SHPRH: variants seen among roughly 807,000 people sequenced by gnomAD.
The protein encoded by SHPRH is SNF2 histone linker PHD RING helicase.
Under a neutral mutation model 202.5 loss-of-function variants are expected in SHPRH, and 106 were observed. That is an observed-to-expected ratio of 0.52 (90% CI 0.45 to 0.62). The LOEUF (loss-of-function observed/expected upper bound fraction) is 0.62. Ranked by LOEUF, SHPRH falls within the 20% of genes least tolerant of loss-of-function variation. The pLI is 0.00. For missense variants in SHPRH, 1,710 were observed against 2,020.0 expected (o/e 0.85, Z 2.94); for synonymous variants, 729 against 686.0 (o/e 1.06, Z -0.98).
At chr6:145,954,666 A>G in intron 2 of SHPRH, 24 bp downstream of exon 2, 1 of 1,538,908 alleles carries the variant, frequency 6.5e-7, no homozygotes, top group Non-Finnish European at 8.7e-7. Context: ...AGCCTCAAAA[A>G]AGACACCACA....
At chr6:145,890,588 A>C (rs888272382) in intron 28 of SHPRH, among the ~76,000 whole-genome samples, 1 of 152,112 alleles carries the variant, frequency 6.6e-6, no homozygotes, top group Admixed American at 6.6e-5. Context: ...CTCCTAGAAC[A>C]GCTGAACTTT....
At chr6:145,936,978 C>CTTTTTTTTT (rs1206387630) in intron 11 of SHPRH, among the ~76,000 whole-genome samples, 1 of 125,662 alleles carries the variant, frequency 8.0e-6, no homozygotes, top group Non-Finnish European at 1.7e-5. Context: ...CATGCTTCAT[C>CTTTTTTTTT]TTTTTTTTTT....
At chr6:145,904,266 AGAT>A (rs1011698439) in intron 25 of SHPRH, 5 of 152,086 alleles carry the variant, frequency 3.3e-5, no homozygotes, top group Non-Finnish European at 5.9e-5. Flanking sequence ...TTTATATTTC[AGAT>A]AATATAAACA....
chr6:145,902,671 A>G (rs1782604112), intron 25 of SHPRH, among the ~76,000 whole-genome samples: 2 of 152,106 alleles, frequency 1.3e-5, no homozygotes, highest in African/African-American at 4.8e-5. Flanking sequence ...AATGGTAAAA[A>G]TCTGAGTATT....
intron 23 of SHPRH, among the ~76,000 whole-genome samples, chr6:145,916,805 T>C (rs891603706): frequency 6.6e-6 from 1 of 152,036 alleles, no homozygotes; most frequent in South Asian, 2.1e-4. Flanking sequence ...TTTTTTGAGA[T>C]GGAATCTCGC....
intron 25 of SHPRH, among the ~76,000 whole-genome samples, chr6:145,902,297 T>C (rs1253342960): frequency 6.6e-6 from 1 of 152,110 alleles, no homozygotes; most frequent in Admixed American, 6.6e-5. Flanking sequence ...AGATCAGAAA[T>C]GTCATGTGGC....
Position 145,864,275 on chromosome 6 carries a change from C to G in SHPRH, c.*48G>C, listed in dbSNP as rs1311521276. On this transcript the variant is annotated 3_prime_UTR_variant, in exon 3 of 3. Transcript: ENST00000417762. The stretch of plus-strand genomic sequence containing the variant: ...TTTCTTAATGTTTATTCCTTACAGA[C>G]ATGTATTACTGAATAAGCCCCATAA... 1.1e-5 allele frequency: 3 copies of G among 274,456 alleles called. No individual in the cohort carries two copies. In the East Asian group the frequency reaches 3.0e-4, roughly 28 times the overall value. 17.0% of individuals were successfully genotyped at this position (274,456 alleles called of 1,614,324 possible).
chr6:145,927,412 G>A, intron 14 of SHPRH, 135 bp from the exon 15 acceptor site: 1 of 773,018 alleles, frequency 1.3e-6, no homozygotes, highest in Non-Finnish European at 2.0e-6. Context: ...AAAGAAATTT[G>A]ACTTGGTATT....
At chr6:145,867,621 TATATATATATAGAGAGAG>T (rs1381903091) in intron 2 of SHPRH, among the ~76,000 whole-genome samples, 20 of 70,008 alleles carry the variant, frequency 2.9e-4, no homozygotes, top group African/African-American at 1.3e-3. Context: ...TATATATATA[TATATATATATAGAGAGAG>T]AGAGAGAGAG....
At position 145,910,631 on chromosome 6, in the gene SHPRH, C is replaced by T. The variant is rs774429474; in HGVS notation, c.4332G>A (p.Ala1444=). ...ICARQLGKQW[A]VLTCGHCFCN... ...AGAAACAGTGACCACAGGTCAGTAC[C>T]GCCCACTAAAAAGAAAACAGAACAA... Residue 1444 remains alanine, a synonymous_variant, in exon 25 of 30, where the codon GCG becomes GCA. Transcript: ENST00000275233. 6.6e-5 allele frequency: 106 copies of T among 1,603,158 alleles called. No individual in the cohort carries two copies. Among genetic ancestry groups the T allele is most frequent in the Non-Finnish European group, 8.3e-5 (97 of 1,173,206 alleles).
At chr6:145,944,225 A>AAATT (rs1445033328) in intron 8 of SHPRH, among the ~76,000 whole-genome samples, 1 of 152,192 alleles carries the variant, frequency 6.6e-6, no homozygotes, top group East Asian at 1.9e-4. Flanking sequence ...TGCAATTAGC[A>AAATT]AATTGATTCC....
At chr6:145,912,204 T>C (rs1783554766) in intron 24 of SHPRH, among the ~76,000 whole-genome samples, 1 of 151,770 alleles carries the variant, frequency 6.6e-6, no homozygotes, top group Non-Finnish European at 1.5e-5. Context: ...ATGGGTTAAC[T>C]CTGATAGATT....
chr6:145,871,109 G>A (rs1702694188), intron 2 of SHPRH: 1 of 152,032 alleles, frequency 6.6e-6, no homozygotes. Flanking sequence ...TTACTGAATG[G>A]GCAAAAGCTG....
intron 2 of SHPRH, among the ~76,000 whole-genome samples, chr6:145,869,039 C>T (rs902354745): frequency 1.3e-5 from 2 of 152,176 alleles, no homozygotes; most frequent in African/African-American, 4.8e-5. Context: ...TTTACATCCT[C>T]ACCAGCGTTT....
At chr6:145,924,717 G>T in intron 17 of SHPRH, 22 bp downstream of exon 17, 2 of 1,601,172 alleles carry the variant, frequency 1.2e-6, no homozygotes, top group Non-Finnish European at 8.5e-7. Flanking sequence ...ATACAAGTAA[G>T]AAACACTGCA....
Position 145,922,940 on chromosome 6 carries a change from T to C in SHPRH, c.3546-104A>G, listed in dbSNP as rs1045151806. 5.4e-6 allele frequency: 7 copies of C among 1,287,980 alleles called. No individual in the cohort carries two copies. In the African/African-American group the frequency reaches 1.4e-4, roughly 27 times the overall value. The allele number at this position is 1,287,980 out of a possible 1,614,324, so 79.8% of individuals were successfully genotyped here. A position where few individuals can be genotyped will look rare whatever the true frequency, so the allele number is the denominator to read the frequency against. ...CCAAACAAAGTGTTAAAGAAACTGT[T>C]TGCTGTTTTTTTTTTTTTTAACAGC... On this transcript the variant is annotated intron_variant, in intron 18 of 29. Coordinates refer to ENST00000275233, the MANE Select transcript of SHPRH (RefSeq NM_001042683.3).
At chr6:145,940,584 A>C (rs536100417) in intron 11 of SHPRH, 139 bp downstream of exon 11, 122 of 759,576 alleles carry the variant, frequency 1.6e-4, no homozygotes, top group Non-Finnish European at 2.4e-4. Flanking sequence ...AAATGCTTGA[A>C]ACTATTAGGA....
At chr6:145,937,908 C>G (rs1409718018) in intron 11 of SHPRH, among the ~76,000 whole-genome samples, 2 of 151,924 alleles carry the variant, frequency 1.3e-5, no homozygotes, top group Admixed American at 1.3e-4. Context: ...TTTAATGAAA[C>G]CTGTTATAGT....
At chr6:145,929,840 G>C (rs1785247738) in intron 14 of SHPRH, among the ~76,000 whole-genome samples, 1 of 152,028 alleles carries the variant, frequency 6.6e-6, no homozygotes, top group Non-Finnish European at 1.5e-5. Context: ...AATTTACATT[G>C]TGAGCAGGTT....
Sources: allele counts gnomAD v4.1 joint callset (sites outside exome capture counted in the v4.1 genomes callset), GRCh38; gene constraint gnomAD v4.1.1; transcripts MANE v1.5; gene names NCBI Gene and HGNC (gene_info 2026-07-23, HGNC 2026-07-21).